C7: variants seen among roughly 807,000 people sequenced by gnomAD.
C7 encodes the protein complement C7.
In C7, 83 loss-of-function variants were observed where a neutral mutation model predicts 104.8. The observed-to-expected ratio is 0.79, with a 90% CI of 0.66 to 0.95. C7 has a LOEUF of 0.95. Among genes scored for constraint, C7 ranks in the 40% least tolerant of loss-of-function variants. C7 has a pLI of 0.00. For missense variants in C7, 1,070 were observed against 1,011.2 expected, an observed-to-expected ratio of 1.06 and a Z score of -0.79; for synonymous variants, 415 against 360.6, an observed-to-expected ratio of 1.15 and a Z score of -1.71.
At position 40,919,270 on chromosome 5, in the gene C7, G is replaced by A. The variant is rs10072040; in HGVS notation, c.7-9310G>A. On this transcript the variant is annotated intron_variant, in intron 1 of 17. Transcript: ENST00000313164. ...CTTCCGAGCAGCTGGGACTACAGGC[G>A]TGCACCACCACATCCAGTTAATTTT... Among the ~76,000 whole-genome samples, 890 of 151,886 alleles carry A rather than the reference G, an allele frequency of 5.9e-3. 7 individuals are homozygous for A. The highest frequency in any genetic ancestry group is 0.018 in the African/African-American group (748 of 41,428).
rs538360648 is a variant in C7 at position 40,934,285 on chromosome 5, A to T, written c.139-40A>T. Reference sequence around the variant, plus strand: ...GAAACTAGAGATTTCTTTGAAAACAAACAAATAAACAAACAAACCACTGCC... The same window carrying T: ...GAAACTAGAGATTTCTTTGAAAACATACAAATAAACAAACAAACCACTGCC... On this transcript the variant is annotated intron_variant, in intron 3 of 17. Coordinates refer to ENST00000313164, the MANE Select transcript of C7 (RefSeq NM_000587.4). 5.4e-6 allele frequency: 8 copies of T among 1,476,126 alleles called. No individual in the cohort carries two copies. The South Asian group carries it at 1.2e-4, about 23-fold the overall frequency. 91.4% of individuals were successfully genotyped at this position (1,476,126 alleles called of 1,614,324 possible). A position where few individuals can be genotyped will look rare whatever the true frequency, so the allele number is the denominator to read the frequency against.
Position 40,945,307 on chromosome 5 carries a change from G to T in C7, c.677G>T (p.Arg226Ile), listed in dbSNP as rs201503515. 2.0e-5 allele frequency: 32 copies of T among 1,608,990 alleles called. No homozygotes were observed. The highest frequency in any genetic ancestry group is 2.5e-5 in the Non-Finnish European group (29 of 1,178,000). The change falls in exon 7 of 18, where the codon AGA becomes ATA. Residue 226 changes from arginine (R) to isoleucine (I), a missense_variant. Physicochemically the swap from Arg to Ile is moderately conservative, Grantham distance 97. Coordinates refer to ENST00000313164, the MANE Select transcript of C7 (RefSeq NM_000587.4). The part of the protein sequence containing the change: ...TSSSRKRSFF[R>I]SSSSSSRSYT... ...TCTAGTCGGAAGCGCTCCTTTTTTAGATCTTCATCATCTTCTTCACGCAGT... is the reference window on the plus strand; with the variant it reads ...TCTAGTCGGAAGCGCTCCTTTTTTATATCTTCATCATCTTCTTCACGCAGT...
chr5:40,920,902 C>G (rs1341932022), intron 1 of C7, among the ~76,000 whole-genome samples: 1 of 151,970 alleles, frequency 6.6e-6, no homozygotes, highest in Non-Finnish European at 1.5e-5. Flanking sequence ...TACAAAACTT[C>G]ACTGGGCGTG....
At chr5:40,914,188 TTTTAA>T (rs2111607943) in intron 1 of C7, among the ~76,000 whole-genome samples, 1 of 152,282 alleles carries the variant, frequency 6.6e-6, no homozygotes, top group East Asian at 1.9e-4. Flanking sequence ...CTCCTTGTGG[TTTTAA>T]TTTAATTCTC....
intron 15 of C7, among the ~76,000 whole-genome samples, chr5:40,973,320 A>G (rs138134987): frequency 0.011 from 1,697 of 152,332 alleles, 34 homozygotes; most frequent in East Asian, 0.069. Flanking sequence ...TTGTATTTGT[A>G]ACAAAAATGA....
In C7 at chr5:40,946,344, A is replaced by T. The variant is rs998629742; in HGVS notation, c.738+976A>T. Among the ~76,000 whole-genome samples, 3 of 152,214 alleles carry T rather than the reference A, an allele frequency of 2.0e-5. No homozygotes were observed. The East Asian group carries it at 5.8e-4, about 29-fold the overall frequency. On this transcript the variant is annotated intron_variant, in intron 7 of 17. Coordinates refer to ENST00000313164, the MANE Select transcript of C7 (RefSeq NM_000587.4). Reference sequence around the variant, plus strand: ...TTTTTTAGGCTAATTATTATTCACAATCTGCACATTTCATCACATCTTAAA... The same window carrying T: ...TTTTTTAGGCTAATTATTATTCACATTCTGCACATTTCATCACATCTTAAA...
chr5:40,944,999 A>G (rs1240505407), intron 6 of C7, among the ~76,000 whole-genome samples, 199 bp from the exon 7 acceptor site: 2 of 152,158 alleles, frequency 1.3e-5, no homozygotes, highest in African/African-American at 4.8e-5. Context: ...TGTTGGTACC[A>G]TGTGTCCTGC....
intron 1 of C7, 117 bp from the exon 2 acceptor site, chr5:40,928,463 T>C: frequency 3.2e-6 from 2 of 623,858 alleles, no homozygotes; most frequent in Non-Finnish European, 5.6e-6. Context: ...TCACATTGTA[T>C]TGAGAAATAA....
chr5:40,947,922 C>A, intron 8 of C7, 77 bp downstream of exon 8: 2 of 1,384,138 alleles, frequency 1.4e-6, no homozygotes, highest in Non-Finnish European at 2.0e-6. Context: ...TTAATGTAAG[C>A]TTTTGAGCTT....
chr5:40,939,627 A>G (rs1178879773), intron 6 of C7, among the ~76,000 whole-genome samples: 2 of 152,256 alleles, frequency 1.3e-5, no homozygotes, highest in Non-Finnish European at 2.9e-5. Flanking sequence ...ACAGGCATAT[A>G]CAGATAATTT....
At chr5:40,968,052 G>C in intron 14 of C7, among the ~76,000 whole-genome samples, 1 of 151,816 alleles carries the variant, frequency 6.6e-6, no homozygotes, top group Admixed American at 6.6e-5. Context: ...ACATTTTTTG[G>C]ACCATTATAT....
chr5:40,961,160 T>C (rs1411535956), intron 12 of C7, among the ~76,000 whole-genome samples: 1 of 152,236 alleles, frequency 6.6e-6, no homozygotes, highest in Non-Finnish European at 1.5e-5. Context: ...TAATTGACTA[T>C]ACGTAAATCC....
intron 13 of C7, 187 bp from the exon 14 acceptor site, chr5:40,964,554 T>C: frequency 5.9e-6 from 3 of 509,664 alleles, no homozygotes; most frequent in Non-Finnish European, 7.1e-6. Flanking sequence ...ATAGTTTTAT[T>C]TCAATTAATG....
At chr5:40,929,768 T>G (rs1266749143) in intron 2 of C7, among the ~76,000 whole-genome samples, 2 of 152,316 alleles carry the variant, frequency 1.3e-5, no homozygotes, top group Middle Eastern at 3.4e-3. Context: ...TGTACTTTAT[T>G]TTAGTGGAGC....
rs970622006 is a variant in C7 at position 40,983,551 on chromosome 5, C to T, written c.*1978C>T. 6.6e-6 allele frequency among the ~76,000 whole-genome samples: 1 copy of T among 152,122 alleles called. No individual in the cohort carries two copies. The highest frequency in any genetic ancestry group is 6.6e-5 in the Admixed American group (1 of 15,266). On this transcript the variant is annotated 3_prime_UTR_variant, in exon 18 of 18. Coordinates refer to ENST00000313164, the MANE Select transcript of C7 (RefSeq NM_000587.4). ...CGTGAAGAGGTGTTGTCTTGAAATA[C>T]TGTATTTTTTTCCTCCTTTTCTTTT...
At chr5:40,946,606 A>G (rs373236033) in intron 7 of C7, among the ~76,000 whole-genome samples, 1 of 152,184 alleles carries the variant, frequency 6.6e-6, no homozygotes, top group African/African-American at 2.4e-5. Context: ...CTTCACCTGC[A>G]AATACCCTAG....
rs566559992 is a variant in C7, at chr5:40,937,699, G to A, written c.567+9G>A. The A allele has an allele frequency of 5.4e-5, 83 of 1,549,350 alleles. 1 individual carries two copies. The South Asian group carries it at 8.4e-4, about 16-fold the overall frequency. On this transcript the variant is annotated intron_variant, in intron 6 of 17. Coordinates refer to ENST00000313164, the MANE Select transcript of C7 (RefSeq NM_000587.4). The stretch of plus-strand genomic sequence containing the variant: ...TGTCCTATACATTCCAGGTACTTAC[G>A]ACGTTATTGATTTCCAATCTGGAAT...
intron 1 of C7, among the ~76,000 whole-genome samples, chr5:40,911,398 G>A (rs1561233128): frequency 6.6e-6 from 1 of 152,172 alleles, no homozygotes; most frequent in South Asian, 2.1e-4. Context: ...CTGTGTTCTT[G>A]GATAGGAAAT....
At chr5:40,953,090 G>A (rs1037844334) in intron 9 of C7, among the ~76,000 whole-genome samples, 2 of 152,082 alleles carry the variant, frequency 1.3e-5, no homozygotes, top group Non-Finnish European at 1.5e-5. Context: ...GGGATGGGAC[G>A]TGATTCACTG....
Sources: gnomAD v4.1 joint callset for allele counts (sites outside exome capture counted in the v4.1 genomes callset) on GRCh38, gnomAD v4.1.1 for gene constraint, MANE v1.5 for transcripts, NCBI Gene and HGNC (gene_info 2026-07-23, HGNC 2026-07-21) for gene names.